Variants in NR1D2 observed in about 807,000 individuals in gnomAD.
NR1D2 encodes the protein V-erbA-related protein 1-related.
Under a neutral mutation model 52.2 loss-of-function variants are expected in NR1D2, and 25 were observed. The observed-to-expected ratio is 0.48, with a 90% CI of 0.35 to 0.67. The LOEUF is 0.67. NR1D2 is among the 30% of genes least tolerant of loss of function. The probability of loss-of-function intolerance (pLI) is 0.01; values close to 1 mark genes in which losing one functional copy is unlikely to be tolerated. For synonymous variants in NR1D2, 259 were observed against 230.1 expected (o/e 1.13, Z -1.14); for missense variants, 681 against 707.2 (o/e 0.96, Z 0.42).
At chr3:23,946,275 C>T (rs1705704535) in intron 1 of NR1D2, 2 of 985,374 alleles carry the variant, frequency 2.0e-6, no homozygotes, top group Admixed American at 6.1e-5. Flanking sequence ...GCGCGGACCC[C>T]GCGCAAACCA....
chr3:23,974,876 G>A (rs1415727039), intron 7 of NR1D2, among the ~76,000 whole-genome samples: 1 of 149,966 alleles, frequency 6.7e-6, no homozygotes, highest in Admixed American at 6.6e-5. Context: ...TGGAGTGCAG[G>A]GGCATGATCT....
rs756551090 is a variant in NR1D2 at position 23,962,474 on chromosome 3, G to A, written c.1015G>A (p.Ala339Thr). 1 of 1,614,068 alleles carries A rather than the reference G, an allele frequency of 6.2e-7. No homozygotes were observed. The highest frequency in any genetic ancestry group is 1.7e-5 in the Admixed American group (1 of 60,020). Residue 339 changes from alanine (A) to threonine (T), a missense_variant, in exon 5 of 8, where the codon GCA (alanine) becomes ACA (threonine). Ala to Thr is a moderately conservative substitution (Grantham distance 58). Transcript: ENST00000312521. ...HYPNGHAICI[A>T]NGHCMNFSNA... ...CCCAAATGGTCATGCCATTTGTATT[G>A]CAAATGGACATTGTATGAACTTCTC...
rs56234407 is a variant in NR1D2, at chr3:23,950,907, T to TC, written c.17-3630_17-3629insC. Reference sequence around the variant, plus strand: ...TTTCTTTTCTCTTTCTTTTTCTTTTTTTTTTTTTTTTTTTGAGATGGAGTT... The same window carrying TC: ...TTTCTTTTCTCTTTCTTTTTCTTTTTCTTTTTTTTTTTTTTGAGATGGAGTT... On this transcript the variant is annotated intron_variant, in intron 1 of 7. Coordinates refer to ENST00000312521, the MANE Select transcript of NR1D2 (RefSeq NM_005126.5). 1.0e-3 allele frequency among the ~76,000 whole-genome samples: 148 copies of TC among 145,558 alleles called. 7 individuals are homozygous for TC. The South Asian group carries it at 0.031, about 30-fold the overall frequency.
rs1422788366 is a variant in NR1D2 at position 23,945,528 on chromosome 3, C to G, written c.-51C>G. 1.0e-6 allele frequency: 1 copy of G among 959,608 alleles called. No individual in the cohort carries two copies. The highest frequency in any genetic ancestry group is 1.3e-6 in the Non-Finnish European group (1 of 773,674). 59.4% of individuals were successfully genotyped at this position (959,608 alleles called of 1,614,324 possible). ...CGGCGCTGAGGCGGCGGCGGCGGCG[C>G]TGCCCCCTCTGCGGGAAGCGGGCGG... On this transcript the variant is annotated 5_prime_UTR_variant, in exon 1 of 8. Coordinates refer to ENST00000312521, the MANE Select transcript of NR1D2 (RefSeq NM_005126.5).
chr3:23,964,539 A>C (rs1455725385), intron 5 of NR1D2, among the ~76,000 whole-genome samples: 5 of 152,226 alleles, frequency 3.3e-5, no homozygotes, highest in African/African-American at 1.2e-4. Flanking sequence ...TGTTGGACAA[A>C]TCACTAAACC....
chr3:23,974,249 A>C (rs1575161293), intron 7 of NR1D2, among the ~76,000 whole-genome samples: 2 of 152,188 alleles, frequency 1.3e-5, no homozygotes, highest in Middle Eastern at 6.8e-3. Flanking sequence ...AATGATAAAA[A>C]GTATAGTATA....
intron 1 of NR1D2, among the ~76,000 whole-genome samples, chr3:23,952,650 C>T (rs1260660530): frequency 6.6e-6 from 1 of 150,546 alleles, no homozygotes; most frequent in Non-Finnish European, 1.5e-5. Context: ...CGCATGAACC[C>T]GGGAGGCGGA....
intron 3 of NR1D2, among the ~76,000 whole-genome samples, chr3:23,957,920 G>A (rs1706130365): frequency 6.6e-6 from 1 of 152,152 alleles, no homozygotes; most frequent in South Asian, 2.1e-4. Context: ...ATATAAAAAT[G>A]TTGTGTCCCA....
At chr3:23,947,021 TTTAC>T (rs2125278700) in intron 1 of NR1D2, among the ~76,000 whole-genome samples, 1 of 152,344 alleles carries the variant, frequency 6.6e-6, no homozygotes, top group East Asian at 1.9e-4. Context: ...ATTTTTAGAA[TTTAC>T]TTATTTTTTT....
chr3:23,966,662 C>T (rs1381092271), intron 6 of NR1D2, among the ~76,000 whole-genome samples: 2 of 152,180 alleles, frequency 1.3e-5, no homozygotes, highest in Non-Finnish European at 2.9e-5. Flanking sequence ...AGTATCTTTG[C>T]CATGAGTGGC....
In NR1D2 at chr3:23,979,714, T is replaced by G. The variant is rs1244732320; in HGVS notation, c.*2295T>G. On this transcript the variant is annotated 3_prime_UTR_variant, in exon 8 of 8. Transcript: ENST00000312521. Reference sequence around the variant, plus strand: ...AAGTAGCCCAATATAAAACTTTTGATTCTAAAATTAAACCAGCAGCCTATT... The same window carrying G: ...AAGTAGCCCAATATAAAACTTTTGAGTCTAAAATTAAACCAGCAGCCTATT... 1 of 152,136 alleles carries G rather than the reference T, an allele frequency of 6.6e-6. No individual in the cohort carries two copies. Among genetic ancestry groups the G allele is most frequent in the Non-Finnish European group, 1.5e-5 (1 of 67,962 alleles). The allele number at this position is 152,136 out of a possible 1,614,324, so 9.4% of individuals were successfully genotyped here.
rs970075854 is a variant in NR1D2 at position 23,978,749 on chromosome 3, A to G, written c.*1330A>G. 4 of 152,096 alleles carry G rather than the reference A, an allele frequency of 2.6e-5. No individual in the cohort carries two copies. The highest frequency in any genetic ancestry group is 2.0e-4 in the Admixed American group (3 of 15,272). The allele number at this position is 152,096 out of a possible 1,614,324, so 9.4% of individuals were successfully genotyped here. ...TCTGAGTCCACTTCTTTTTTCCTAA[A>G]TAACACTACAGGGATTTTGTCATAT... On this transcript the variant is annotated 3_prime_UTR_variant, in exon 8 of 8. Coordinates refer to ENST00000312521, the MANE Select transcript of NR1D2 (RefSeq NM_005126.5).
chr3:23,955,996 GT>G (rs775074905), intron 2 of NR1D2, 40 bp from the exon 3 acceptor site: 1 of 1,418,874 alleles, frequency 7.0e-7, no homozygotes, highest in South Asian at 1.2e-5. Context: ...CAGACTCGGT[GT>G]TTCCTCCTAC....
At chr3:23,965,231 A>ATT in intron 6 of NR1D2, 69 bp downstream of exon 6, 1 of 786,260 alleles carries the variant, frequency 1.3e-6, no homozygotes, top group Non-Finnish European at 1.9e-6. Context: ...TGGATGTTTT[A>ATT]ATTCTTTTTT....
intron 1 of NR1D2, chr3:23,946,427 G>C (rs1575141978): frequency 7.6e-6 from 3 of 392,966 alleles, no homozygotes; most frequent in Non-Finnish European, 6.9e-6. Flanking sequence ...GCTCGAAGGA[G>C]CTCTGAGGTG....
At position 23,946,264 on chromosome 3, in the gene NR1D2, G is replaced by A. The variant is rs117762225; in HGVS notation, c.16+670G>A. ...CGCTCTTTTCGCGAGGTGACCCCAA[G>A]GCGCGGACCCCGCGCAAACCAAACG... On this transcript the variant is annotated intron_variant, in intron 1 of 7. Coordinates refer to ENST00000312521, the MANE Select transcript of NR1D2 (RefSeq NM_005126.5). 906 of 985,496 alleles carry A rather than the reference G, an allele frequency of 9.2e-4. 27 individuals carry two copies. In the East Asian group the frequency reaches 0.06, roughly 65 times the overall value. The allele number at this position is 985,496 out of a possible 1,614,324, so 61.0% of individuals were successfully genotyped here. A position where few individuals can be genotyped will look rare whatever the true frequency, so the allele number is the denominator to read the frequency against.
At position 23,962,162 on chromosome 3, in the gene NR1D2, C is replaced by A; in HGVS notation, c.703C>A (p.Gln235Lys). The change falls in exon 5 of 8, where the codon CAA (glutamine) becomes AAA (lysine). Residue 235 changes from glutamine (Q) to lysine (K), a missense_variant. Gln to Lys is a moderately conservative substitution (Grantham distance 53). Transcript: ENST00000312521. ...EQLRPKPQLE[Q>K]ENIKSSSPPS... Reference sequence around the variant, plus strand: ...GCTGCGACCCAAGCCCCAACTGGAGCAAGAAAACATCAAAAGCTCTTCTCC... The same window carrying A: ...GCTGCGACCCAAGCCCCAACTGGAGAAAGAAAACATCAAAAGCTCTTCTCC... The A allele has an allele frequency of 6.2e-7, 1 of 1,614,140 alleles. No individual in the cohort carries two copies. The highest frequency in any genetic ancestry group is 8.5e-7 in the Non-Finnish European group (1 of 1,180,024).
At chr3:23,968,624 ATGAG>A (rs1706511752) in intron 7 of NR1D2, among the ~76,000 whole-genome samples, 1 of 152,212 alleles carries the variant, frequency 6.6e-6, no homozygotes, top group South Asian at 2.1e-4. Context: ...CACTGTTTGA[ATGAG>A]TGAGCAAGAT....
intron 1 of NR1D2, 52 bp from the exon 2 acceptor site, chr3:23,954,485 A>G: frequency 6.7e-7 from 1 of 1,502,432 alleles, no homozygotes; most frequent in South Asian, 1.2e-5. Flanking sequence ...GCAAAAATAA[A>G]AAATACGTAT....
Sources: gnomAD v4.1 joint callset for allele counts (sites outside exome capture counted in the v4.1 genomes callset) on GRCh38, gnomAD v4.1.1 for gene constraint, MANE v1.5 for transcripts, NCBI Gene and HGNC (gene_info 2026-07-23, HGNC 2026-07-21) for gene names.